Variants in GRIK1 observed in about 807,000 individuals in gnomAD.
GRIK1 encodes the protein glutamate ionotropic receptor kainate type subunit 1.
Under a neutral mutation model 105.7 loss-of-function variants are expected in GRIK1, and 69 were observed. The observed-to-expected ratio is 0.65, with a 90% CI of 0.54 to 0.80. The LOEUF (loss-of-function observed/expected upper bound fraction) is 0.80, where lower values mean the gene tolerates loss of function less well. Ranked by LOEUF, GRIK1 falls within the 30% of genes least tolerant of loss-of-function variation. GRIK1 has a pLI of 0.00. For missense variants in GRIK1, 1,109 were observed against 1,167.3 expected (o/e 0.95, Z 0.73); for synonymous variants, 438 against 431.3 (o/e 1.02, Z -0.19).
chr21:29,543,230 A>C (rs2089998493), intron 16 of GRIK1, among the ~76,000 whole-genome samples: 1 of 152,162 alleles, frequency 6.6e-6, no homozygotes, highest in African/African-American at 2.4e-5. Flanking sequence ...TCTAAGCTCT[A>C]GTGTAGGAGC....
Position 29,537,154 on chromosome 21 carries a change from CACACTCCTCAGAA to C in GRIK1, c.*63_*75del. The C allele has an allele frequency of 1.0e-6, 1 of 987,310 alleles. No individual in the cohort carries two copies. The highest frequency in any genetic ancestry group is 1.5e-6 in the Non-Finnish European group (1 of 670,034). 61.2% of individuals were successfully genotyped at this position (987,310 alleles called of 1,614,324 possible). A position where few individuals can be genotyped will look rare whatever the true frequency, so the allele number is the denominator to read the frequency against. ...GATATAGATATATGGAAACACATCA[CACACTCCTCAGAA>C]ATCCTTTCTCCAAAAATCTGTAGGG... On this transcript the variant is annotated 3_prime_UTR_variant, in exon 18 of 18. Transcript: ENST00000327783.
At chr21:29,675,805 A>G (rs2063254464) in intron 3 of GRIK1, among the ~76,000 whole-genome samples, 2 of 152,142 alleles carry the variant, frequency 1.3e-5, no homozygotes, top group South Asian at 4.2e-4. Context: ...TTATATAGCT[A>G]ATAAGTGGCA....
At chr21:29,897,079 T>C (rs1363220184) in intron 1 of GRIK1, among the ~76,000 whole-genome samples, 7 of 152,220 alleles carry the variant, frequency 4.6e-5, no homozygotes, top group Admixed American at 1.3e-4. Context: ...ATACTTCATA[T>C]AGTCCTGTGT....
intron 1 of GRIK1, among the ~76,000 whole-genome samples, chr21:29,716,381 C>T (rs1048900605): frequency 3.3e-5 from 5 of 152,040 alleles, no homozygotes; most frequent in African/African-American, 1.2e-4. Flanking sequence ...GCTTAGAAAA[C>T]AACAGGAAAA....
At chr21:29,827,887 C>A (rs977367564) in intron 1 of GRIK1, among the ~76,000 whole-genome samples, 1 of 151,854 alleles carries the variant, frequency 6.6e-6, no homozygotes, top group Non-Finnish European at 1.5e-5. Context: ...ACTTGTGTGG[C>A]TTTATTTAGC....
chr21:29,737,831 C>T (rs754065971), intron 1 of GRIK1, among the ~76,000 whole-genome samples: 2 of 152,216 alleles, frequency 1.3e-5, no homozygotes, highest in South Asian at 2.1e-4. Context: ...CTGTCAGATG[C>T]GATCACCATC....
chr21:29,735,191 C>A (rs1204813211), intron 1 of GRIK1, among the ~76,000 whole-genome samples: 1 of 152,224 alleles, frequency 6.6e-6, no homozygotes, highest in Non-Finnish European at 1.5e-5. Context: ...GCCTAAAAAA[C>A]TATCTGACAT....
Position 29,770,135 on chromosome 21 carries a change from A to C in GRIK1, c.119-76072T>G, listed in dbSNP as rs115515506. On this transcript the variant is annotated intron_variant, in intron 1 of 17. Transcript: ENST00000327783. Reference sequence around the variant, plus strand: ...CTGCATAGTTCTTCTTTCAACTGATACAAACACTGCTTTGTGACTTTTCTG... The same window carrying C: ...CTGCATAGTTCTTCTTTCAACTGATCCAAACACTGCTTTGTGACTTTTCTG... Among the ~76,000 whole-genome samples the C allele has an allele frequency of 8.3e-3, 1,268 of 152,304 alleles. 21 individuals are homozygous for C. Among genetic ancestry groups the C allele is most frequent in the African/African-American group, 0.029 (1,187 of 41,566 alleles).
chr21:29,588,769 G>T, intron 11 of GRIK1, 70 bp downstream of exon 11: 1 of 861,838 alleles, frequency 1.2e-6, no homozygotes, highest in South Asian at 1.6e-5. Flanking sequence ...CATTTCTTCT[G>T]ACATCATTTT....
At chr21:29,831,595 G>A (rs936006920) in intron 1 of GRIK1, among the ~76,000 whole-genome samples, 1 of 151,984 alleles carries the variant, frequency 6.6e-6, no homozygotes, top group African/African-American at 2.4e-5. Context: ...AGAGTGAAGG[G>A]GGAGGTGCTA....
chr21:29,554,482 A>G (rs185729936), intron 16 of GRIK1, among the ~76,000 whole-genome samples: 1 of 152,290 alleles, frequency 6.6e-6, no homozygotes, highest in East Asian at 1.9e-4. Context: ...ATTTAGAAAA[A>G]TAAAGTCTCA....
chr21:29,688,809 C>T (rs2063532114), intron 3 of GRIK1, among the ~76,000 whole-genome samples: 5 of 151,922 alleles, frequency 3.3e-5, no homozygotes, highest in Admixed American at 3.3e-4. Flanking sequence ...AGTTCACCAC[C>T]GTGAAGGTCG....
At chr21:29,876,112 A>ATGTGTGTGTGTGTGTGTGTG (rs1555903193) in intron 1 of GRIK1, among the ~76,000 whole-genome samples, 2 of 149,092 alleles carry the variant, frequency 1.3e-5, no homozygotes, top group African/African-American at 5.0e-5. Flanking sequence ...GGAGATAGAT[A>ATGTGTGTGTGTGTGTGTGTG]TGTGTGTGTG....
chr21:29,797,965 A>G (rs1461597142), intron 1 of GRIK1, among the ~76,000 whole-genome samples: 2 of 152,258 alleles, frequency 1.3e-5, no homozygotes, highest in Middle Eastern at 3.4e-3. Flanking sequence ...TCTGTTTTTC[A>G]GTTTGTTGGT....
intron 1 of GRIK1, among the ~76,000 whole-genome samples, chr21:29,849,164 TTTTC>T (rs1406999458): frequency 6.6e-6 from 1 of 152,164 alleles, no homozygotes; most frequent in Non-Finnish European, 1.5e-5. Context: ...TTCCTAATAT[TTTTC>T]TTGTATTTTA....
intron 1 of GRIK1, among the ~76,000 whole-genome samples, chr21:29,860,538 A>G (rs1281551253): frequency 6.6e-6 from 1 of 152,206 alleles, no homozygotes; most frequent in African/African-American, 2.4e-5. Flanking sequence ...TATGTCCACA[A>G]ATGGGTCAAA....
At chr21:29,764,310 CG>C (rs1362792702) in intron 1 of GRIK1, among the ~76,000 whole-genome samples, 1 of 152,148 alleles carries the variant, frequency 6.6e-6, no homozygotes, top group Non-Finnish European at 1.5e-5. Flanking sequence ...TATTTTTCCA[CG>C]GATGTTCAGA....
chr21:29,607,150 G>A (rs1231694039), intron 7 of GRIK1, among the ~76,000 whole-genome samples: 1 of 152,114 alleles, frequency 6.6e-6, no homozygotes, highest in Admixed American at 6.6e-5. Context: ...CTGGCACTTC[G>A]TTCTCATCAT....
intron 1 of GRIK1, among the ~76,000 whole-genome samples, chr21:29,819,267 A>T (rs1417161701): frequency 6.6e-6 from 1 of 152,092 alleles, no homozygotes; most frequent in Non-Finnish European, 1.5e-5. Context: ...ATTTCAAATA[A>T]GCTTGAAGCT....
Sources: allele counts gnomAD v4.1 joint callset (sites outside exome capture counted in the v4.1 genomes callset), GRCh38; gene constraint gnomAD v4.1.1; transcripts MANE v1.5; gene names NCBI Gene and HGNC (gene_info 2026-07-23, HGNC 2026-07-21).